Variants in LRRTM4 observed in about 807,000 individuals in gnomAD.
LRRTM4 encodes leucine rich repeat transmembrane neuronal 4.
Under a neutral mutation model 47.6 loss-of-function variants are expected in LRRTM4, and 25 were observed. That is an observed-to-expected ratio of 0.53 (90% confidence interval 0.38 to 0.73). The LOEUF is 0.73. LRRTM4 is among the 30% of genes least tolerant of loss of function. LRRTM4 has a pLI of 0.00. For synonymous variants in LRRTM4, 311 were observed against 269.5 expected (o/e 1.15, Z -1.51); for missense variants, 638 against 713.4 (o/e 0.89, Z 1.20).
intron 3 of LRRTM4, among the ~76,000 whole-genome samples, chr2:76,749,293 C>T (rs192970123): frequency 3.3e-5 from 5 of 151,972 alleles, no homozygotes; most frequent in East Asian, 1.9e-4. Context: ...TGTTGTAATA[C>T]GGCAAGATAT....
intron 3 of LRRTM4, among the ~76,000 whole-genome samples, chr2:77,269,618 T>A (rs1419794399): frequency 2.6e-5 from 4 of 152,084 alleles, no homozygotes; most frequent in African/African-American, 9.7e-5. Context: ...CACTAATAAT[T>A]TAATGAAAGA....
chr2:77,482,159 G>A (rs1226702886), intron 3 of LRRTM4, among the ~76,000 whole-genome samples: 2 of 152,054 alleles, frequency 1.3e-5, no homozygotes, highest in Admixed American at 1.3e-4. Flanking sequence ...GATGAAGGAA[G>A]CATGTTATGA....
intron 3 of LRRTM4, among the ~76,000 whole-genome samples, chr2:77,032,545 TGAA>T (rs1678698745): frequency 6.6e-6 from 1 of 152,144 alleles, no homozygotes; most frequent in African/African-American, 2.4e-5. Flanking sequence ...TTTGAATAAT[TGAA>T]TAAATAATTG....
rs556446690 is a variant in LRRTM4 at position 77,395,151 on chromosome 2, A to G, written c.1551+123167T>C. Among the ~76,000 whole-genome samples, 9 of 151,912 alleles carry G rather than the reference A, an allele frequency of 5.9e-5. No homozygotes were observed. The South Asian group carries it at 1.9e-3, about 32-fold the overall frequency. ...CTGTTCTATCAGTCTTATGATCTCT[A>G]ATTTAACATTATTGCTGGTCAGTTG... is the stretch of plus-strand genomic sequence containing the variant. On this transcript the variant is annotated intron_variant, in intron 3 of 3. Coordinates refer to ENST00000409884, the MANE Select transcript of LRRTM4 (RefSeq NM_001134745.3).
chr2:77,039,920 AAT>A (rs1417566518), intron 3 of LRRTM4, among the ~76,000 whole-genome samples: 12 of 151,062 alleles, frequency 7.9e-5, no homozygotes, highest in Non-Finnish European at 1.3e-4. Context: ...ATATTAATAA[AAT>A]ATTTTTAAAA....
chr2:77,257,017 T>C (rs1048330179), intron 3 of LRRTM4, among the ~76,000 whole-genome samples: 26 of 152,078 alleles, frequency 1.7e-4, no homozygotes, highest in Non-Finnish European at 8.8e-5. Flanking sequence ...ACCCACCATA[T>C]TAATAGGCTA....
chr2:77,006,652 G>C (rs1157282155), intron 3 of LRRTM4, among the ~76,000 whole-genome samples: 1 of 152,094 alleles, frequency 6.6e-6, no homozygotes, highest in African/African-American at 2.4e-5. Flanking sequence ...AACAAGCGGA[G>C]AGATTCTAGA....
chr2:77,446,053 G>A (rs977791182), intron 3 of LRRTM4, among the ~76,000 whole-genome samples: 1 of 151,926 alleles, frequency 6.6e-6, no homozygotes, highest in Non-Finnish European at 1.5e-5. Flanking sequence ...GGACTGATAG[G>A]TTATATAACG....
intron 3 of LRRTM4, among the ~76,000 whole-genome samples, chr2:77,189,324 C>G (rs190200191): frequency 6.6e-6 from 1 of 152,270 alleles, no homozygotes; most frequent in East Asian, 1.9e-4. Context: ...GCATCCTCAG[C>G]AGTTCTTCAT....
intron 3 of LRRTM4, among the ~76,000 whole-genome samples, chr2:76,957,593 A>C (rs893045193): frequency 6.6e-6 from 1 of 151,694 alleles, no homozygotes; most frequent in Admixed American, 6.6e-5. Flanking sequence ...TCTATTCCAG[A>C]ATTATTTTTC....
intron 3 of LRRTM4, among the ~76,000 whole-genome samples, chr2:77,279,297 T>C (rs1214346194): frequency 6.6e-6 from 1 of 152,038 alleles, no homozygotes; most frequent in African/African-American, 2.4e-5. Flanking sequence ...TTTTTTATCA[T>C]GATGATTCTT....
chr2:77,221,659 T>C (rs1229994710), intron 3 of LRRTM4, among the ~76,000 whole-genome samples: 2 of 151,910 alleles, frequency 1.3e-5, no homozygotes, highest in South Asian at 2.1e-4. Flanking sequence ...GAGCTAACTA[T>C]CCTAAATATA....
intron 3 of LRRTM4, among the ~76,000 whole-genome samples, chr2:76,836,625 C>T (rs1019435986): frequency 6.6e-6 from 1 of 151,768 alleles, no homozygotes; most frequent in African/African-American, 2.4e-5. Flanking sequence ...ATGTAAATAT[C>T]ACTTAATTCT....
chr2:76,818,058 A>C (rs773253597), intron 3 of LRRTM4, among the ~76,000 whole-genome samples: 2 of 151,960 alleles, frequency 1.3e-5, no homozygotes, highest in African/African-American at 4.8e-5. Flanking sequence ...CAATAGAAGC[A>C]TGGCAGTTGT....
At chr2:77,520,432 G>C (rs1679439046) in intron 2 of LRRTM4, among the ~76,000 whole-genome samples, 1 of 152,028 alleles carries the variant, frequency 6.6e-6, no homozygotes, top group South Asian at 2.1e-4. Flanking sequence ...AAACAGCATT[G>C]AGACTAGTAT....
At chr2:77,466,130 A>G (rs1250095332) in intron 3 of LRRTM4, among the ~76,000 whole-genome samples, 2 of 152,206 alleles carry the variant, frequency 1.3e-5, no homozygotes, top group East Asian at 3.9e-4. Context: ...TAGAAACAAT[A>G]GAATTAAATT....
intron 3 of LRRTM4, among the ~76,000 whole-genome samples, chr2:77,309,681 TGATAGATAGATAGATAGATAGATA>T (rs3084674): frequency 1.2e-4 from 17 of 147,326 alleles, no homozygotes; most frequent in Non-Finnish European, 1.6e-4. Flanking sequence ...GATAGACAGA[TGATAGATAGATAGATAGATAGATA>T]GATAGATAGA....
rs1234802900 is a variant in LRRTM4 at position 77,058,476 on chromosome 2, CTT to C, written c.1552-309562_1552-309561del. 3.3e-5 allele frequency among the ~76,000 whole-genome samples: 5 copies of C among 151,078 alleles called. No homozygotes were observed. The Admixed American group carries it at 3.3e-4, about 10-fold the overall frequency. On this transcript the variant is annotated intron_variant, in intron 3 of 3. Transcript: ENST00000409884. ...CTGTAGCCTAACGTCCTTCTAGCCT[CTT>C]TTTCTTTTTTTCATCTCTTTCCTTC...
At chr2:77,047,061 G>T (rs544375504) in intron 3 of LRRTM4, among the ~76,000 whole-genome samples, 1 of 152,140 alleles carries the variant, frequency 6.6e-6, no homozygotes, top group South Asian at 2.1e-4. Flanking sequence ...TCAGAAACAT[G>T]TTACATCTCA....
Sources: gnomAD v4.1 joint callset for allele counts (sites outside exome capture counted in the v4.1 genomes callset) on GRCh38, gnomAD v4.1.1 for gene constraint, MANE v1.5 for transcripts, NCBI Gene and HGNC (gene_info 2026-07-23, HGNC 2026-07-21) for gene names.